Variants in PTPRA observed in about 807,000 individuals in gnomAD.
The protein encoded by PTPRA is receptor-type tyrosine-protein phosphatase alpha.
PTPRA carries 25 observed loss-of-function variants against 104.8 expected under a neutral mutation model. That is an observed-to-expected ratio of 0.24 (90% CI 0.17 to 0.33). The LOEUF is 0.33. Ranked by LOEUF, PTPRA falls within the 10% of genes least tolerant of loss-of-function variation. The pLI, the probability that PTPRA is intolerant of heterozygous loss-of-function variation, is 1.00. For synonymous variants in PTPRA, 323 were observed against 368.9 expected (o/e 0.88, Z 1.43); for missense variants, 765 against 1,015.3 (o/e 0.75, Z 3.35).
intron 1 of PTPRA, among the ~76,000 whole-genome samples, chr20:2,884,855 G>C (rs1029384698): frequency 1.3e-5 from 2 of 148,810 alleles, no homozygotes; most frequent in African/African-American, 5.0e-5. Context: ...TGTCGCCCAG[G>C]CTGGAGTGCA....
intron 2 of PTPRA, among the ~76,000 whole-genome samples, chr20:2,927,359 A>G (rs1277060404): frequency 6.6e-6 from 1 of 152,208 alleles, no homozygotes; most frequent in Non-Finnish European, 1.5e-5. Context: ...TCTCTCTGAA[A>G]CTATCAGTTG....
chr20:3,021,497 G>T, intron 14 of PTPRA, 69 bp downstream of exon 14: 1 of 1,591,518 alleles, frequency 6.3e-7, no homozygotes, highest in Non-Finnish European at 8.6e-7. Context: ...GAACAGGCTG[G>T]ATCATCCCGC....
chr20:2,906,197 G>A lies in PTPRA; in HGVS notation c.-128-17010G>A, dbSNP rs147663575. On this transcript the variant is annotated intron_variant, in intron 1 of 23. Coordinates refer to ENST00000399903, the MANE Select transcript of PTPRA (RefSeq NM_001385305.1). ...AAAGAAGAGGCCTTGGTTTTTTACC[G>A]TAATATTGGCAGGTGACATGTATTT... Among the ~76,000 whole-genome samples the A allele has an allele frequency of 2.6e-3, 397 of 152,286 alleles. 3 individuals carry two copies. Among genetic ancestry groups the A allele is most frequent in the African/African-American group, 9.0e-3 (376 of 41,560 alleles).
At chr20:2,897,902 C>G (rs2059073444) in intron 1 of PTPRA, among the ~76,000 whole-genome samples, 2 of 140,248 alleles carry the variant, frequency 1.4e-5, no homozygotes, top group Admixed American at 1.4e-4. Context: ...ATGTCCTCAT[C>G]ATTCTTTTTT....
At position 3,022,547 on chromosome 20, in the gene PTPRA, G is replaced by C; in HGVS notation, c.1329-142G>C. On this transcript the variant is annotated intron_variant, in intron 15 of 23. Transcript: ENST00000399903. The surrounding 1 kb of genome is among the most constrained non-coding windows in gnomAD (Gnocchi z 4.6). Reference sequence around the variant, plus strand: ...GATTCAGGACATACTGGAGTTGTTGGCTCCTGGAGAGCCCCAGCTCTACCC... The same window carrying C: ...GATTCAGGACATACTGGAGTTGTTGCCTCCTGGAGAGCCCCAGCTCTACCC... 8.4e-7 allele frequency: 1 copy of C among 1,193,122 alleles called. No individual in the cohort carries two copies. Among genetic ancestry groups the C allele is most frequent in the Non-Finnish European group, 1.2e-6 (1 of 858,702 alleles). 73.9% of individuals were successfully genotyped at this position (1,193,122 alleles called of 1,614,324 possible).
chr20:2,909,818 AAT>A (rs1222719863), intron 1 of PTPRA, among the ~76,000 whole-genome samples: 1 of 126,296 alleles, frequency 7.9e-6, no homozygotes, highest in African/African-American at 3.2e-5. Flanking sequence ...AATATAAGAT[AAT>A]ATATATTAGA....
At chr20:2,941,345 A>G (rs1435965686) in intron 2 of PTPRA, among the ~76,000 whole-genome samples, 1 of 152,068 alleles carries the variant, frequency 6.6e-6, no homozygotes, top group Admixed American at 6.6e-5. Context: ...TTCCTCTGTT[A>G]TCTGACTTAC....
chr20:2,875,401 G>T (rs1233623464), intron 1 of PTPRA, among the ~76,000 whole-genome samples: 1 of 152,166 alleles, frequency 6.6e-6, no homozygotes, highest in Non-Finnish European at 1.5e-5. Context: ...GTAAGGCATG[G>T]TGGGATCCCG....
At chr20:2,960,811 AC>A (rs1203150766) in intron 3 of PTPRA, among the ~76,000 whole-genome samples, 1 of 150,962 alleles carries the variant, frequency 6.6e-6, no homozygotes, top group African/African-American at 2.4e-5. Context: ...TGTTGGGATT[AC>A]AGGCATGAGT....
intron 1 of PTPRA, among the ~76,000 whole-genome samples, chr20:2,905,512 T>A (rs2059391799): frequency 6.6e-6 from 1 of 152,114 alleles, no homozygotes; most frequent in South Asian, 2.1e-4. Context: ...TATAATTTAA[T>A]TAAACATTAA....
chr20:2,994,648 C>T (rs1411038828), intron 9 of PTPRA, among the ~76,000 whole-genome samples: 1 of 152,212 alleles, frequency 6.6e-6, no homozygotes, highest in Non-Finnish European at 1.5e-5. Context: ...CTTTAGAGTC[C>T]ATATGCCACT....
chr20:2,911,549 A>G (rs2059722208), intron 1 of PTPRA, among the ~76,000 whole-genome samples: 1 of 152,218 alleles, frequency 6.6e-6, no homozygotes, highest in Non-Finnish European at 1.5e-5. Flanking sequence ...GAATGATTAT[A>G]TAATAAATAG....
At chr20:2,953,527 A>G (rs1487849344) in intron 3 of PTPRA, among the ~76,000 whole-genome samples, 1 of 151,942 alleles carries the variant, frequency 6.6e-6, no homozygotes, top group Admixed American at 6.6e-5. Context: ...TGCTGGGATT[A>G]CAGGCGTGAG....
intron 2 of PTPRA, among the ~76,000 whole-genome samples, chr20:2,925,462 C>T (rs558453266): frequency 5.6e-4 from 85 of 152,268 alleles, no homozygotes; most frequent in Non-Finnish European, 1.1e-3. Context: ...TCCATTCATT[C>T]ACTGATGGAC....
intron 3 of PTPRA, among the ~76,000 whole-genome samples, chr20:2,961,169 T>C (rs1008097846): frequency 2.0e-5 from 3 of 152,234 alleles, no homozygotes; most frequent in Admixed American, 2.0e-4. Context: ...TGCTGGATCA[T>C]ATGGTAAGAG....
chr20:2,957,482 G>A (rs1463702939), intron 3 of PTPRA, among the ~76,000 whole-genome samples: 1 of 152,236 alleles, frequency 6.6e-6, no homozygotes, highest in African/African-American at 2.4e-5. Flanking sequence ...GCCATGGAGA[G>A]ACAACTCTTT....
chr20:2,904,004 C>T (rs1371928742), intron 1 of PTPRA, among the ~76,000 whole-genome samples: 4 of 151,960 alleles, frequency 2.6e-5, no homozygotes, highest in African/African-American at 9.7e-5. Flanking sequence ...TCCTGGGCTC[C>T]AGCAGTCCTC....
At chr20:2,902,484 A>G (rs1002858070) in intron 1 of PTPRA, among the ~76,000 whole-genome samples, 8 of 152,186 alleles carry the variant, frequency 5.3e-5, no homozygotes, top group Admixed American at 5.2e-4. Flanking sequence ...CAGTAAACTC[A>G]TTCTTGGCAG....
intron 1 of PTPRA, among the ~76,000 whole-genome samples, chr20:2,918,874 A>G (rs1238248551): frequency 6.6e-6 from 1 of 152,184 alleles, no homozygotes; most frequent in Non-Finnish European, 1.5e-5. Context: ...TTGTTTGTGG[A>G]CAAGTTATTT....
Sources: gnomAD v4.1 joint callset for allele counts (sites outside exome capture counted in the v4.1 genomes callset) on GRCh38, gnomAD v4.1.1 for gene constraint, Gnocchi (gnomAD v3.1) non-coding constraint, MANE v1.5 for transcripts, NCBI Gene and HGNC (gene_info 2026-07-23, HGNC 2026-07-21) for gene names.